Variants in ACTR8 observed in about 807,000 individuals in gnomAD.
ACTR8 encodes the protein actin related protein 8, also known as actin-related protein 8.
In ACTR8, 70 loss-of-function variants were observed where a neutral mutation model predicts 84.3. The observed-to-expected ratio is 0.83, with a 90% CI of 0.68 to 1.01. The LOEUF (loss-of-function observed/expected upper bound fraction) is 1.01. Ranked by LOEUF, ACTR8 falls within the 50% of genes least tolerant of loss-of-function variation. The pLI is 0.00. For missense variants in ACTR8, 672 were observed against 775.4 expected, an observed-to-expected ratio of 0.87 and a Z score of 1.58; for synonymous variants, 268 against 275.2, an observed-to-expected ratio of 0.97 and a Z score of 0.26.
At chr3:53,863,334 A>G (rs1343348955), downstream of ACTR8, among the ~76,000 whole-genome samples, 1 of 152,210 alleles carries the variant, frequency 6.6e-6, no homozygotes, top group East Asian at 1.9e-4. Flanking sequence ...TGCTAACTTC[A>G]AAACATGGAG....
chr3:53,875,089 G>T (rs1461024578), intron 7 of ACTR8, among the ~76,000 whole-genome samples: 1 of 152,224 alleles, frequency 6.6e-6, no homozygotes, highest in Non-Finnish European at 1.5e-5. Flanking sequence ...TCTACAATTT[G>T]GGAAGACAGC....
chr3:53,869,346 A>C (rs184751273), intron 12 of ACTR8, among the ~76,000 whole-genome samples: 29 of 152,364 alleles, frequency 1.9e-4, no homozygotes, highest in African/African-American at 7.0e-4. Context: ...GAAAACTTTT[A>C]AATTTTTATA....
the ACTR8 span, chr3:53,860,918 C>T: frequency 6.6e-6 from 1 of 152,188 alleles, no homozygotes; most frequent in African/African-American, 2.4e-5. Context: ...ACCAACTGTA[C>T]ATGGCACCAT....
downstream of ACTR8, among the ~76,000 whole-genome samples, chr3:53,866,817 G>A (rs757595418): frequency 2.7e-5 from 4 of 146,714 alleles, no homozygotes. Flanking sequence ...AGGTTATGTT[G>A]TATTATTAGC....
chr3:53,877,437 G>A, intron 4 of ACTR8, 50 bp from the exon 5 acceptor site: 1 of 1,521,184 alleles, frequency 6.6e-7, no homozygotes, highest in Non-Finnish European at 8.9e-7. Flanking sequence ...TTTCTCTCAA[G>A]GTTTTCTGGA....
chr3:53,877,299 G>A lies in ACTR8; in HGVS notation c.599C>T (p.Ser200Phe). 1 of 1,614,124 alleles carries A rather than the reference G, an allele frequency of 6.2e-7. No individual in the cohort carries two copies. Among genetic ancestry groups the A allele is most frequent in the Admixed American group, 1.7e-5 (1 of 60,016 alleles). Reference protein sequence around the residue: ...QLNIHPGPGGSLTAVLADIEV... With the variant: ...QLNIHPGPGGFLTAVLADIEV... ...AATATCTGCCAGAACAGCTGTAAGA[G>A]AGCCCCCAGGGCCTGGGTGAATATT... is the stretch of plus-strand genomic sequence containing the variant. The change falls in exon 5 of 13, where the codon TCT (serine) becomes TTT (phenylalanine). Residue 200 changes from serine (S) to phenylalanine (F), a missense_variant. Ser to Phe is a radical substitution (Grantham distance 155). Coordinates refer to ENST00000335754, the MANE Select transcript of ACTR8 (RefSeq NM_022899.5).
In ACTR8 at chr3:53,870,469, A is replaced by G. The variant is rs749491221; in HGVS notation, c.1568-324T>C. On this transcript the variant is annotated intron_variant, in intron 11 of 12. Coordinates refer to ENST00000335754, the MANE Select transcript of ACTR8 (RefSeq NM_022899.5). This position sits in a 1 kb window ranked among gnomAD's most constrained non-coding sequence, Gnocchi z 4.1. ...AGTTCGAAACCAGCCTGGCCAACATAGTGAAACCCTGTCTCTACTAAAAAT... is the reference window on the plus strand; with the variant it reads ...AGTTCGAAACCAGCCTGGCCAACATGGTGAAACCCTGTCTCTACTAAAAAT... 2.0e-5 allele frequency among the ~76,000 whole-genome samples: 3 copies of G among 152,116 alleles called. No individual in the cohort carries two copies. The highest frequency in any genetic ancestry group is 2.9e-5 in the Non-Finnish European group (2 of 68,024).
rs1289779434 is a variant in ACTR8 at position 53,868,304 on chromosome 3, A to G, written c.*415T>C. ...TTTAGATCCTAATGAAATACTAGAC[A>G]AGAGAGAAAATGGCATGAGTGGACA... On this transcript the variant is annotated 3_prime_UTR_variant, in exon 13 of 13. Coordinates refer to ENST00000335754, the MANE Select transcript of ACTR8 (RefSeq NM_022899.5). 6.4e-6 allele frequency: 1 copy of G among 157,148 alleles called. No homozygotes were observed. Among genetic ancestry groups the G allele is most frequent in the African/African-American group, 2.4e-5 (1 of 41,528 alleles). 9.7% of individuals were successfully genotyped at this position (157,148 alleles called of 1,614,324 possible).
rs1699867403 is a variant in ACTR8, at chr3:53,870,535, C to T, written c.1568-390G>A. On this transcript the variant is annotated intron_variant, in intron 11 of 12. Transcript: ENST00000335754. This position sits in a 1 kb window ranked among gnomAD's most constrained non-coding sequence, Gnocchi z 4.1. The stretch of plus-strand genomic sequence containing the variant: ...GCATGGTAGCGTGCGCCTGTAGTCC[C>T]AGCTACTCGGGAGGCTGAGGCAGGA... Among the ~76,000 whole-genome samples the T allele has an allele frequency of 6.6e-6, 1 of 152,174 alleles. No homozygotes were observed. Among genetic ancestry groups the T allele is most frequent in the Admixed American group, 6.5e-5 (1 of 15,288 alleles).
intron 7 of ACTR8, among the ~76,000 whole-genome samples, chr3:53,875,287 A>T (rs976790814): frequency 1.3e-5 from 2 of 152,184 alleles, no homozygotes; most frequent in Non-Finnish European, 1.5e-5. Context: ...CCTCTTTTAA[A>T]GACTCAAACT....
chr3:53,870,140 C>T lies in ACTR8; in HGVS notation c.1573G>A (p.Asp525Asn), dbSNP rs902429602. The T allele has an allele frequency of 8.1e-6, 13 of 1,612,380 alleles. No homozygotes were observed. The highest frequency in any genetic ancestry group is 1.1e-5 in the Non-Finnish European group (13 of 1,178,552). The part of the protein sequence containing the change: ...ILHSIDCCSS[D>N]DTKKKMYSSI... The stretch of plus-strand genomic sequence containing the variant: ...CTGTACATCTTCTTTTTGGTGTCGT[C>T]AGATGCTGAAAAGACAGTTGACATC... Residue 525 changes from aspartate to asparagine, a missense_variant, in exon 12 of 13, where the codon GAC becomes AAC. Transcript: ENST00000335754. This position sits in a 1 kb window ranked among gnomAD's most constrained non-coding sequence, Gnocchi z 4.1.
At chr3:53,865,140 CTTTAGA>C (rs771186251), downstream of ACTR8, 1 of 1,614,166 alleles carries the variant, frequency 6.2e-7, no homozygotes, top group Admixed American at 1.7e-5. Flanking sequence ...TGGTGGTCTA[CTTTAGA>C]GAGATTGATA....
intron 1 of ACTR8, among the ~76,000 whole-genome samples, chr3:53,881,330 T>A (rs1020253957): frequency 1.3e-5 from 2 of 152,234 alleles, no homozygotes; most frequent in African/African-American, 2.4e-5. Flanking sequence ...TTTTAGTTAC[T>A]GATCAGTAAG....
At chr3:53,869,459 G>A (rs1243745615) in intron 12 of ACTR8, among the ~76,000 whole-genome samples, 1 of 152,106 alleles carries the variant, frequency 6.6e-6, no homozygotes, top group East Asian at 1.9e-4. Flanking sequence ...AGTTTGAGTG[G>A]AATAAATAGA....
At position 53,882,006 on chromosome 3, in the gene ACTR8, G is replaced by C; in HGVS notation, c.96C>G (p.Pro32=). The part of the protein sequence containing the change: ...EQRGVKRPIV[P]ALVPESLQEQ... Reference sequence around the variant, plus strand: ...CTTGCAGCGACTCCGGCACCAGCGCGGGCACGATGGGCCGCTTCACGCCGC... The same window carrying C: ...CTTGCAGCGACTCCGGCACCAGCGCCGGCACGATGGGCCGCTTCACGCCGC... Residue 32 remains proline, a synonymous_variant, in exon 1 of 13, where the codon CCC becomes CCG. Coordinates refer to ENST00000335754, the MANE Select transcript of ACTR8 (RefSeq NM_022899.5). 1 of 1,552,450 alleles carries C rather than the reference G, an allele frequency of 6.4e-7. No individual in the cohort carries two copies. Among genetic ancestry groups the C allele is most frequent in the Non-Finnish European group, 8.7e-7 (1 of 1,147,262 alleles).
chr3:53,860,323 G>A, the ACTR8 span: 8 of 966,880 alleles, frequency 8.3e-6, no homozygotes, highest in Middle Eastern at 3.2e-4. Context: ...TCACATGTTG[G>A]CGTTTCCCAG....
rs2241806 is a variant in ACTR8 at position 53,867,584 on chromosome 3, A to G, written c.*1135T>C. On this transcript the variant is annotated 3_prime_UTR_variant, in exon 13 of 13. Coordinates refer to ENST00000335754, the MANE Select transcript of ACTR8 (RefSeq NM_022899.5). Reference sequence around the variant, plus strand: ...CTGTTCCCTGCTTTTGTCCTTCCCCAGTCTCACCCCCATCTCTAGCCATGG... The same window carrying G: ...CTGTTCCCTGCTTTTGTCCTTCCCCGGTCTCACCCCCATCTCTAGCCATGG... 53,216 of 152,058 alleles carry G rather than the reference A, an allele frequency of 0.35. 9,663 individuals carry two copies. The highest frequency in any genetic ancestry group is 0.6 in the East Asian group (3,068 of 5,146). 9.4% of individuals were successfully genotyped at this position (152,058 alleles called of 1,614,324 possible). A position where few individuals can be genotyped will look rare whatever the true frequency, so the allele number is the denominator to read the frequency against.
rs79562723 is a variant in ACTR8, at chr3:53,875,572, C to T, written c.911+376G>A. Among the ~76,000 whole-genome samples, 597 of 152,294 alleles carry T rather than the reference C, an allele frequency of 3.9e-3. 10 individuals carry two copies. The East Asian group carries it at 0.054, about 14-fold the overall frequency. On this transcript the variant is annotated intron_variant, in intron 7 of 12. Transcript: ENST00000335754. ...GCCAGAGAATTCAGATTGAAAAGGT[C>T]GATTTTCTCCTACATGACTTGCCTA...
intron 2 of ACTR8, 24 bp downstream of exon 2, chr3:53,879,915 C>T: frequency 1.3e-6 from 2 of 1,589,700 alleles, no homozygotes; most frequent in African/African-American, 1.3e-5. Flanking sequence ...CTTAGGCTTT[C>T]TCTCCAGGTC....
Sources: gnomAD v4.1 joint callset for allele counts (sites outside exome capture counted in the v4.1 genomes callset) on GRCh38, gnomAD v4.1.1 for gene constraint, Gnocchi (gnomAD v3.1) non-coding constraint, MANE v1.5 for transcripts, NCBI Gene and HGNC (gene_info 2026-07-23, HGNC 2026-07-21) for gene names.